MGAM2: variants seen among roughly 807,000 people sequenced by gnomAD.
The protein encoded by MGAM2 is maltase-glucoamylase 2 (putative).
A neutral mutation model predicts 96.1 loss-of-function variants in MGAM2; 98 were observed. The observed-to-expected ratio is 1.02, with a 90% CI of 0.87 to 1.21. MGAM2 has a LOEUF of 1.21. Ranked by LOEUF, MGAM2 falls within the 50% of genes most tolerant of loss-of-function variation. The pLI, the probability that MGAM2 is intolerant of heterozygous loss-of-function variation, is 0.00. For missense variants in MGAM2, 2,055 were observed against 1,182.4 expected (o/e 1.74, Z -10.82); for synonymous variants, 749 against 414.8 (o/e 1.81, Z -9.79).
chr7:142,205,205 A>G (rs1797359344), intron 45 of MGAM2, among the ~76,000 whole-genome samples: 1 of 152,078 alleles, frequency 6.6e-6, no homozygotes, highest in East Asian at 1.9e-4. Context: ...CCATTCATCA[A>G]TTGATGGACA....
At chr7:142,184,396 G>T (rs1796633539) in intron 33 of MGAM2, among the ~76,000 whole-genome samples, 1 of 152,022 alleles carries the variant, frequency 6.6e-6, no homozygotes, top group Admixed American at 6.5e-5. Flanking sequence ...ATTTTCCCTT[G>T]TCTGTAATAT....
In MGAM2 at chr7:142,167,296, G is replaced by A. The variant is rs1234390644; in HGVS notation, c.2837G>A (p.Cys946Tyr). The change falls in exon 26 of 48, where the codon TGT becomes TAT. Residue 946 changes from cysteine to tyrosine, a missense_variant. Cys to Tyr is a radical substitution (Grantham distance 194). Coordinates refer to ENST00000477922, the MANE Select transcript of MGAM2 (RefSeq NM_001293626.2). ...ACATCTACTCCTGGAGTGCCCACCT[G>A]TTACTATGACACCATCCCTAATTAT... is the stretch of plus-strand genomic sequence containing the variant. ...EDTSTPGVPT[C>Y]YYDTIPNYVA... is the part of the protein sequence containing the mutation. 1.4e-6 allele frequency: 1 copy of A among 701,220 alleles called. No individual in the cohort carries two copies. Among genetic ancestry groups the A allele is most frequent in the South Asian group, 1.5e-5 (1 of 67,384 alleles). 43.4% of individuals were successfully genotyped at this position (701,220 alleles called of 1,614,324 possible). A position where few individuals can be genotyped will look rare whatever the true frequency, so the allele number is the denominator to read the frequency against.
At chr7:142,173,484 A>G (rs1796266957) in intron 31 of MGAM2, 130 bp downstream of exon 31, 6 of 587,848 alleles carry the variant, frequency 1.0e-5, no homozygotes, top group South Asian at 6.6e-5. Context: ...TTTTCTTTGT[A>G]TATACTATAA....
intron 24 of MGAM2, 38 bp from the exon 25 acceptor site, chr7:142,166,060 C>A: frequency 1.6e-6 from 1 of 643,166 alleles, no homozygotes; most frequent in Non-Finnish European, 2.8e-6. Context: ...GTGGCTTTCC[C>A]TCCCTTCCTT....
intron 15 of MGAM2, among the ~76,000 whole-genome samples, chr7:142,150,651 G>A (rs1795550675): frequency 6.6e-6 from 1 of 152,070 alleles, no homozygotes; most frequent in South Asian, 2.1e-4. Flanking sequence ...TGGGTGTATT[G>A]AACGTATGTT....
intron 33 of MGAM2, 47 bp from the exon 34 acceptor site, chr7:142,185,030 G>C: frequency 5.7e-6 from 4 of 701,560 alleles, no homozygotes; most frequent in Non-Finnish European, 1.0e-5. Context: ...CTCATAGTCT[G>C]TATGCAAGGA....
chr7:142,169,716 G>GCA lies in MGAM2; in HGVS notation c.3028-344_3028-343dup, dbSNP rs144134032. ...CAATTCCCTAATTCCTAACATGCAT[G>GCA]CACACACACACACACAAATTTACAC... On this transcript the variant is annotated intron_variant, in intron 26 of 47. Transcript: ENST00000477922. Among the ~76,000 whole-genome samples, 393 of 151,024 alleles carry GCA rather than the reference G, an allele frequency of 2.6e-3. 2 individuals carry two copies. Among genetic ancestry groups the GCA allele is most frequent in the African/African-American group, 8.4e-3 (347 of 41,300 alleles).
chr7:142,142,494 T>C (rs964596187), intron 12 of MGAM2, among the ~76,000 whole-genome samples: 5 of 150,822 alleles, frequency 3.3e-5, no homozygotes, highest in African/African-American at 7.3e-5. Flanking sequence ...TTGGCAGAGA[T>C]AGCAGTAGTG....
chr7:142,205,667 T>C (rs1797381705), intron 45 of MGAM2, among the ~76,000 whole-genome samples: 1 of 152,152 alleles, frequency 6.6e-6, no homozygotes, highest in Non-Finnish European at 1.5e-5. Context: ...AGTGTCCTTA[T>C]TATTGAATCA....
intron 1 of MGAM2, among the ~76,000 whole-genome samples, chr7:142,113,837 T>C (rs543550388): frequency 6.6e-6 from 1 of 152,200 alleles, no homozygotes; most frequent in Admixed American, 6.5e-5. Flanking sequence ...GGCATCAACA[T>C]TTAATGAAAT....
intron 2 of MGAM2, among the ~76,000 whole-genome samples, chr7:142,118,497 T>C (rs529485259): frequency 6.6e-6 from 1 of 152,326 alleles, no homozygotes; most frequent in Non-Finnish European, 1.5e-5. Flanking sequence ...CGGTAACTGT[T>C]TCCTCCAAAT....
At chr7:142,196,309 G>C (rs992730347) in intron 38 of MGAM2, 22 bp downstream of exon 38, 1 of 712,278 alleles carries the variant, frequency 1.4e-6, no homozygotes, top group South Asian at 1.5e-5. Flanking sequence ...CATTCCCAGG[G>C]GCCTGTGCTG....
chr7:142,221,688 G>A lies in MGAM2; in HGVS notation c.7177G>A (p.Ala2393Thr), dbSNP rs1186180218. The A allele has an allele frequency of 9.4e-6, 4 of 427,596 alleles. No individual in the cohort carries two copies. In the East Asian group the frequency reaches 1.3e-4, roughly 14 times the overall value. 26.5% of individuals were successfully genotyped at this position (427,596 alleles called of 1,614,324 possible). A position where few individuals can be genotyped will look rare whatever the true frequency, so the allele number is the denominator to read the frequency against. The change falls in exon 48 of 48, where the codon GCT becomes ACT. Residue 2393 changes from alanine to threonine, a missense_variant. Transcript: ENST00000477922. ...HITQFATPHS[A>T]TTTTLALSHT... ...CACACAGTTCGCTACTCCCCATTCT[G>A]CTACTACTACAACACTGGCCTTAAG...
At chr7:142,166,373 A>G (rs910149575) in intron 25 of MGAM2, 120 bp downstream of exon 25, 17 of 565,600 alleles carry the variant, frequency 3.0e-5, no homozygotes, top group Non-Finnish European at 5.0e-5. Flanking sequence ...CCTTTTGCCA[A>G]CTCTACATGA....
chr7:142,191,672 T>G (rs1258593350), intron 37 of MGAM2, among the ~76,000 whole-genome samples: 1 of 152,120 alleles, frequency 6.6e-6, no homozygotes, highest in Non-Finnish European at 1.5e-5. Flanking sequence ...TTCCAATTTT[T>G]TTTTCAAGAT....
intron 46 of MGAM2, among the ~76,000 whole-genome samples, chr7:142,209,139 C>A (rs1797501342): frequency 6.6e-6 from 1 of 152,128 alleles, no homozygotes; most frequent in Admixed American, 6.5e-5. Context: ...GCTGTATTCA[C>A]ATATCTGGGG....
At chr7:142,149,055 C>T (rs1415721816) in intron 15 of MGAM2, among the ~76,000 whole-genome samples, 2 of 151,936 alleles carry the variant, frequency 1.3e-5, no homozygotes, top group African/African-American at 2.4e-5. Flanking sequence ...AGTGAAACCT[C>T]GTCTTTACTA....
At chr7:142,170,267 T>C (rs1796149463) in intron 27 of MGAM2, 38 bp downstream of exon 27, 1 of 664,226 alleles carries the variant, frequency 1.5e-6, no homozygotes, top group Non-Finnish European at 2.7e-6. Flanking sequence ...AGAGTAGTTC[T>C]AGATTTAATT....
rs147529508 is a variant in MGAM2, at chr7:142,126,045, A to G, written c.187-4903A>G. Among the ~76,000 whole-genome samples, 449 of 152,210 alleles carry G rather than the reference A, an allele frequency of 2.9e-3. 1 individual carries two copies. The highest frequency in any genetic ancestry group is 4.8e-3 in the Non-Finnish European group (329 of 67,970). On this transcript the variant is annotated intron_variant, in intron 3 of 47. Coordinates refer to ENST00000477922, the MANE Select transcript of MGAM2 (RefSeq NM_001293626.2). The stretch of plus-strand genomic sequence containing the variant: ...GTTTTAACGAAAATTTGATTATACT[A>G]TATATTTTTCCAACTTGCTTTTTAA...
Sources: allele counts gnomAD v4.1 joint callset (sites outside exome capture counted in the v4.1 genomes callset), GRCh38; gene constraint gnomAD v4.1.1; transcripts MANE v1.5; gene names NCBI Gene and HGNC (gene_info 2026-07-23, HGNC 2026-07-21).